CD226: variants seen among roughly 807,000 people sequenced by gnomAD.
CD226 encodes CD226 molecule.
In CD226, 24 loss-of-function variants were observed where a neutral mutation model predicts 34.9. That is an observed-to-expected ratio of 0.69 (90% CI 0.50 to 0.97). The LOEUF is 0.97. CD226 is among the 50% of genes least tolerant of loss of function. The pLI, the probability that CD226 is intolerant of heterozygous loss-of-function variation, is 0.00. For synonymous variants in CD226, 148 were observed against 147.4 expected, an observed-to-expected ratio of 1.00 and a Z score of -0.03; for missense variants, 397 against 412.7, an observed-to-expected ratio of 0.96 and a Z score of 0.33.
rs971151243 is a variant in CD226 at position 69,855,259 on chromosome 18, T to G, written c.*9055A>C. Reference sequence around the variant, plus strand: ...AACTTATCATTAATATGTTAAGAGCTCTCATGAAAAAAATAGACAACAGAT... The same window carrying G: ...AACTTATCATTAATATGTTAAGAGCGCTCATGAAAAAAATAGACAACAGAT... On this transcript the variant is annotated 3_prime_UTR_variant, in exon 6 of 6. Coordinates refer to ENST00000582621, the MANE Select transcript of CD226 (RefSeq NM_001303618.2). The G allele has an allele frequency of 2.0e-5, 3 of 151,572 alleles. No individual in the cohort carries two copies. The highest frequency in any genetic ancestry group is 4.9e-5 in the African/African-American group (2 of 41,192). The allele number at this position is 151,572 out of a possible 1,614,324, so 9.4% of individuals were successfully genotyped here. A position where few individuals can be genotyped will look rare whatever the true frequency, so the allele number is the denominator to read the frequency against.
intron 2 of CD226, among the ~76,000 whole-genome samples, chr18:69,919,879 T>C (rs1391008674): frequency 1.3e-5 from 2 of 151,520 alleles, no homozygotes; most frequent in African/African-American, 4.8e-5. Flanking sequence ...TGTCACTCTT[T>C]TTTTTTTTTT....
In CD226 at chr18:69,856,151, G is replaced by A. The variant is rs1199523145; in HGVS notation, c.*8163C>T. The A allele has an allele frequency of 6.6e-6, 1 of 151,986 alleles. No homozygotes were observed. The highest frequency in any genetic ancestry group is 1.5e-5 in the Non-Finnish European group (1 of 67,966). The allele number at this position is 151,986 out of a possible 1,614,324, so 9.4% of individuals were successfully genotyped here. ...ATGTTAATTTTTTAAAAAACTGAAA[G>A]TTATGTTAATATCAGAAAAAGCAGA... On this transcript the variant is annotated 3_prime_UTR_variant, in exon 6 of 6. Coordinates refer to ENST00000582621, the MANE Select transcript of CD226 (RefSeq NM_001303618.2).
chr18:69,894,875 C>A (rs922581720), intron 3 of CD226, among the ~76,000 whole-genome samples: 1 of 151,688 alleles, frequency 6.6e-6, no homozygotes, highest in African/African-American at 2.4e-5. Flanking sequence ...CATACTCATG[C>A]AAAGTGGATC....
At chr18:69,866,209 A>G (rs1207681164) in intron 5 of CD226, among the ~76,000 whole-genome samples, 2 of 152,264 alleles carry the variant, frequency 1.3e-5, no homozygotes, top group East Asian at 3.9e-4. Context: ...CCACCTCCTA[A>G]TATCATCGCA....
At chr18:69,950,134 T>TCA (rs751237470), upstream of CD226, among the ~76,000 whole-genome samples, 7 of 150,092 alleles carry the variant, frequency 4.7e-5, no homozygotes, top group East Asian at 1.4e-3. Context: ...ACACACAATC[T>TCA]CACACAATCA....
chr18:69,933,185 T>C (rs1412410743), intron 2 of CD226, among the ~76,000 whole-genome samples: 20 of 152,100 alleles, frequency 1.3e-4, no homozygotes, highest in Non-Finnish European at 2.9e-5. Flanking sequence ...CTCTACATCA[T>C]CCTCCGTGCT....
At position 69,927,387 on chromosome 18, in the gene CD226, CAA is replaced by C. The variant is rs1314475891; in HGVS notation, c.382+19345_382+19346del. Among the ~76,000 whole-genome samples, 9 of 150,536 alleles carry C rather than the reference CAA, an allele frequency of 6.0e-5. No individual in the cohort carries two copies. In the South Asian group the frequency reaches 1.1e-3, roughly 18 times the overall value. ...CTACACACACACACACACACACACACAAACACACACACACACACATATACCAT... is the reference window on the plus strand; with the variant it reads ...CTACACACACACACACACACACACACACACACACACACACACATATACCAT... On this transcript the variant is annotated intron_variant, in intron 2 of 5. Transcript: ENST00000582621.
At chr18:69,870,829 C>G (rs1056620986) in intron 4 of CD226, among the ~76,000 whole-genome samples, 4 of 152,202 alleles carry the variant, frequency 2.6e-5, no homozygotes, top group African/African-American at 9.6e-5. Flanking sequence ...TTTAAACAGT[C>G]AGTAAAACGG....
intron 2 of CD226, among the ~76,000 whole-genome samples, chr18:69,915,578 G>A (rs960565871): frequency 3.9e-5 from 6 of 152,098 alleles, no homozygotes; most frequent in Admixed American, 6.6e-5. Flanking sequence ...TTTTAAATGC[G>A]GAAACTAATT....
chr18:69,881,718 C>T (rs1984274925), intron 3 of CD226, among the ~76,000 whole-genome samples: 1 of 152,066 alleles, frequency 6.6e-6, no homozygotes, highest in Non-Finnish European at 1.5e-5. Context: ...TACAGCAGAG[C>T]ATGCTTGCTC....
chr18:69,867,736 C>T (rs1266895332), intron 4 of CD226, among the ~76,000 whole-genome samples: 2 of 152,182 alleles, frequency 1.3e-5, no homozygotes, highest in African/African-American at 4.8e-5. Context: ...AATAACCTCA[C>T]ATTTAAGACA....
chr18:69,866,100 A>C (rs2055725063), intron 5 of CD226, among the ~76,000 whole-genome samples: 1 of 152,206 alleles, frequency 6.6e-6, no homozygotes. Flanking sequence ...CTCACATTGC[A>C]AAGAGCAGAA....
Position 69,858,717 on chromosome 18 carries a change from A to C in CD226, c.*5597T>G, listed in dbSNP as rs1307770692. 1.2e-4 allele frequency: 6 copies of C among 51,100 alleles called. No individual in the cohort carries two copies. The highest frequency in any genetic ancestry group is 2.8e-4 in the Non-Finnish European group (6 of 21,226). 3.2% of individuals were successfully genotyped at this position (51,100 alleles called of 1,614,324 possible). A position where few individuals can be genotyped will look rare whatever the true frequency, so the allele number is the denominator to read the frequency against. ...AGCCACCCCTATGTTCAAATACTTA[A>C]CTTTTTTTTTTTTTTTTTTTTTTTT... On this transcript the variant is annotated 3_prime_UTR_variant, in exon 6 of 6. Transcript: ENST00000582621.
At chr18:69,880,744 T>C (rs1366409546) in intron 3 of CD226, among the ~76,000 whole-genome samples, 1 of 150,090 alleles carries the variant, frequency 6.7e-6, no homozygotes, top group African/African-American at 2.4e-5. Context: ...CTCCGCCTCC[T>C]GGGTTCAAGC....
chr18:69,858,227 T>A lies in CD226; in HGVS notation c.*6087A>T, dbSNP rs1388374182. The A allele has an allele frequency of 6.6e-6, 1 of 152,220 alleles. No individual in the cohort carries two copies. The highest frequency in any genetic ancestry group is 2.4e-5 in the African/African-American group (1 of 41,458). 9.4% of individuals were successfully genotyped at this position (152,220 alleles called of 1,614,324 possible). On this transcript the variant is annotated 3_prime_UTR_variant, in exon 6 of 6. Coordinates refer to ENST00000582621, the MANE Select transcript of CD226 (RefSeq NM_001303618.2). Reference sequence around the variant, plus strand: ...AATCTTGGATATATTTAGTTACATCTGGAATAAACTCAGGTATTACACAGG... The same window carrying A: ...AATCTTGGATATATTTAGTTACATCAGGAATAAACTCAGGTATTACACAGG...
At chr18:69,914,693 C>T (rs372675555) in intron 2 of CD226, among the ~76,000 whole-genome samples, 1 of 152,132 alleles carries the variant, frequency 6.6e-6, no homozygotes, top group East Asian at 1.9e-4. Flanking sequence ...AATGTTCATG[C>T]TCTAAAGTAA....
At chr18:69,936,660 A>G (rs1397488184) in intron 2 of CD226, among the ~76,000 whole-genome samples, 1 of 152,202 alleles carries the variant, frequency 6.6e-6, no homozygotes, top group Non-Finnish European at 1.5e-5. Context: ...ATGGATATAT[A>G]AAACCTTTAT....
At chr18:69,949,579 TCACACACACA>T (rs368025355), upstream of CD226, among the ~76,000 whole-genome samples, 3 of 149,854 alleles carry the variant, frequency 2.0e-5, no homozygotes, top group South Asian at 6.3e-4. Flanking sequence ...CTGTGTCCCT[TCACACACACA>T]CACACACACG....
intron 2 of CD226, among the ~76,000 whole-genome samples, chr18:69,943,737 C>A (rs2055754653): frequency 2.0e-5 from 3 of 152,140 alleles, no homozygotes; most frequent in Non-Finnish European, 2.9e-5. Flanking sequence ...GACTACTAGA[C>A]CTCACTGCAC....
Sources: gnomAD v4.1 joint callset for allele counts (sites outside exome capture counted in the v4.1 genomes callset) on GRCh38, gnomAD v4.1.1 for gene constraint, MANE v1.5 for transcripts, NCBI Gene and HGNC (gene_info 2026-07-23, HGNC 2026-07-21) for gene names.